Variants in CSMD1 observed in about 807,000 individuals in gnomAD.
CSMD1 encodes CUB and Sushi multiple domains 1, also known as CUB and sushi domain-containing protein 1.
In CSMD1, 213 loss-of-function variants were observed where a neutral mutation model predicts 417.5. The observed-to-expected ratio is 0.51, with a 90% CI of 0.46 to 0.57. The LOEUF (loss-of-function observed/expected upper bound fraction) is 0.57, where lower values mean the gene tolerates loss of function less well. Ranked by LOEUF, CSMD1 falls within the 20% of genes least tolerant of loss-of-function variation. CSMD1 has a pLI of 0.00. For missense variants in CSMD1, 6,923 were observed against 4,529.7 expected (o/e 1.53, Z -15.17); for synonymous variants, 2,862 against 1,736.8 (o/e 1.65, Z -16.11).
At chr8:4,941,685 A>G (rs1386293873) in intron 1 of CSMD1, among the ~76,000 whole-genome samples, 1 of 151,768 alleles carries the variant, frequency 6.6e-6, no homozygotes, top group Non-Finnish European at 1.5e-5. Context: ...TGCAGCCTCG[A>G]TCCCTCTAGC....
intron 1 of CSMD1, among the ~76,000 whole-genome samples, chr8:4,967,636 T>C (rs1809966923): frequency 6.6e-6 from 1 of 152,208 alleles, no homozygotes; most frequent in Admixed American, 6.6e-5. Flanking sequence ...GTTCAGTTCT[T>C]AAATGATTTT....
At chr8:4,098,632 C>T (rs1357393558) in intron 3 of CSMD1, among the ~76,000 whole-genome samples, 3 of 152,104 alleles carry the variant, frequency 2.0e-5, no homozygotes, top group South Asian at 2.1e-4. Flanking sequence ...TGAAATACCC[C>T]ATTTCTACGT....
chr8:3,731,100 T>C (rs1001708529), intron 6 of CSMD1, among the ~76,000 whole-genome samples: 1 of 152,226 alleles, frequency 6.6e-6, no homozygotes, highest in African/African-American at 2.4e-5. Context: ...TCAAGTTTAT[T>C]GTCGAGCACA....
chr8:3,239,552 T>C (rs1335552625), intron 26 of CSMD1, among the ~76,000 whole-genome samples: 7 of 152,176 alleles, frequency 4.6e-5, no homozygotes, highest in Non-Finnish European at 7.4e-5. Flanking sequence ...ATCCTGGAGC[T>C]TGATGTGTAG....
chr8:4,390,639 A>T (rs969988176), intron 3 of CSMD1, among the ~76,000 whole-genome samples: 6 of 151,820 alleles, frequency 4.0e-5, no homozygotes, highest in African/African-American at 1.5e-4. Context: ...TCAGCCTCCC[A>T]AGGAGCTGGG....
Position 3,001,807 on chromosome 8 carries a change from A to G in CSMD1, c.8030-1676T>C, listed in dbSNP as rs139638037. On this transcript the variant is annotated intron_variant, in intron 52 of 69. Transcript: ENST00000635120. ...ATTTCCCCAACAGGGAACACAACCA[A>G]TGATTCTCCATACAAGTTCCTGCAC... Among the ~76,000 whole-genome samples, 24 of 152,322 alleles carry G rather than the reference A, an allele frequency of 1.6e-4. No individual in the cohort carries two copies. The South Asian group carries it at 3.9e-3, about 25-fold the overall frequency.
chr8:3,944,423 T>C (rs981729266), intron 5 of CSMD1, among the ~76,000 whole-genome samples: 2 of 152,176 alleles, frequency 1.3e-5, no homozygotes, highest in Admixed American at 1.3e-4. Flanking sequence ...TTCTTCTTCA[T>C]ATTCAACTGA....
At chr8:4,195,447 T>C (rs539695361) in intron 3 of CSMD1, among the ~76,000 whole-genome samples, 2 of 152,196 alleles carry the variant, frequency 1.3e-5, no homozygotes, top group Non-Finnish European at 2.9e-5. Context: ...AAAAGACGAG[T>C]GTGGCAGTAC....
chr8:4,036,396 G>A (rs928043032), intron 3 of CSMD1, among the ~76,000 whole-genome samples: 1 of 152,154 alleles, frequency 6.6e-6, no homozygotes, highest in Admixed American at 6.5e-5. Flanking sequence ...CAGCAGTGTA[G>A]AAATGTATTG....
intron 7 of CSMD1, among the ~76,000 whole-genome samples, chr8:3,688,082 C>T (rs28692683): frequency 0.037 from 5,707 of 152,246 alleles, 365 homozygotes; most frequent in African/African-American, 0.13. Flanking sequence ...GGAAGTTCAG[C>T]AGGCTGGAAA....
At chr8:3,203,746 A>T (rs957488340) in intron 31 of CSMD1, among the ~76,000 whole-genome samples, 45 of 152,232 alleles carry the variant, frequency 3.0e-4, no homozygotes, top group African/African-American at 1.0e-3. Flanking sequence ...TAACATGCTT[A>T]GATTTGTGTT....
At chr8:4,841,814 G>A (rs987888734) in intron 1 of CSMD1, among the ~76,000 whole-genome samples, 8 of 150,830 alleles carry the variant, frequency 5.3e-5, no homozygotes, top group East Asian at 2.0e-4. Flanking sequence ...GGGAGGCTGA[G>A]GCAGGAGAAT....
At chr8:3,357,960 G>C (rs1260342070) in intron 21 of CSMD1, among the ~76,000 whole-genome samples, 1 of 152,218 alleles carries the variant, frequency 6.6e-6, no homozygotes, top group African/African-American at 2.4e-5. Context: ...AATTCTGACT[G>C]TGTATCTCTG....
intron 3 of CSMD1, among the ~76,000 whole-genome samples, chr8:4,381,374 C>G (rs1422048527): frequency 1.3e-5 from 2 of 152,036 alleles, no homozygotes; most frequent in African/African-American, 4.8e-5. Context: ...GACCCTGTGG[C>G]TGTAAGAGTA....
intron 2 of CSMD1, among the ~76,000 whole-genome samples, chr8:4,454,751 G>A (rs192072145): frequency 6.6e-6 from 1 of 152,154 alleles, no homozygotes; most frequent in Non-Finnish European, 1.5e-5. Context: ...CGTTTAGAAA[G>A]GAAGAATGTC....
At chr8:4,179,643 C>G (rs915947632) in intron 3 of CSMD1, among the ~76,000 whole-genome samples, 2 of 152,028 alleles carry the variant, frequency 1.3e-5, no homozygotes, top group African/African-American at 2.4e-5. Flanking sequence ...GAACAGGCAA[C>G]CTACAGAATG....
At chr8:4,450,124 G>A (rs912961672) in intron 2 of CSMD1, among the ~76,000 whole-genome samples, 1 of 151,962 alleles carries the variant, frequency 6.6e-6, no homozygotes, top group African/African-American at 2.4e-5. Flanking sequence ...GCACTTCTTT[G>A]TCCATTGTTT....
chr8:3,890,776 A>C (rs1806917726), intron 5 of CSMD1, among the ~76,000 whole-genome samples: 1 of 152,158 alleles, frequency 6.6e-6, no homozygotes, highest in Non-Finnish European at 1.5e-5. Context: ...GTTTGAGCAA[A>C]TTTTTGTCCT....
intron 19 of CSMD1, among the ~76,000 whole-genome samples, chr8:3,369,052 C>G (rs976992042): frequency 1.3e-5 from 2 of 152,260 alleles, no homozygotes; most frequent in African/African-American, 4.8e-5. Context: ...AAACAGAGAG[C>G]AAAACGGGGA....
Sources: gnomAD v4.1 joint callset for allele counts (sites outside exome capture counted in the v4.1 genomes callset) on GRCh38, gnomAD v4.1.1 for gene constraint, MANE v1.5 for transcripts, NCBI Gene and HGNC (gene_info 2026-07-23, HGNC 2026-07-21) for gene names.